The following MYO16 variants were observed in gnomAD, a reference collection of about 807,000 sequenced individuals.
MYO16 encodes the protein unconventional myosin-XVI.
A neutral mutation model predicts 205.3 loss-of-function variants in MYO16; 94 were observed. The ratio of observed to expected loss-of-function variants is 0.46; its 90% CI spans 0.39 to 0.54. The LOEUF (loss-of-function observed/expected upper bound fraction) is 0.54, where lower values mean the gene tolerates loss of function less well. Among genes scored for constraint, MYO16 ranks in the 20% least tolerant of loss-of-function variants. The pLI, the probability that MYO16 is intolerant of heterozygous loss-of-function variation, is 0.00. For synonymous variants in MYO16, 988 were observed against 954.0 expected (o/e 1.04, Z -0.66); for missense variants, 2,315 against 2,387.5 (o/e 0.97, Z 0.63).
At chr13:109,044,239 G>A (rs146120775) in intron 23 of MYO16, among the ~76,000 whole-genome samples, 10 of 152,244 alleles carry the variant, frequency 6.6e-5, no homozygotes, top group East Asian at 3.9e-4. Context: ...AAAATAGGCC[G>A]TTGCTTTAGA....
chr13:108,916,627 GAACT>G (rs1354771236), intron 16 of MYO16, among the ~76,000 whole-genome samples: 1 of 152,240 alleles, frequency 6.6e-6, no homozygotes, highest in East Asian at 1.9e-4. Context: ...AAAAATTTTA[GAACT>G]AACAGAGCTT....
chr13:108,575,105 A>T, the MYO16 span, among the ~76,000 whole-genome samples: 1 of 152,192 alleles, frequency 6.6e-6, no homozygotes. Context: ...TCAAGTGTTC[A>T]TGGGTTTATC....
chr13:108,538,528 C>G, the MYO16 span, among the ~76,000 whole-genome samples: 1 of 151,980 alleles, frequency 6.6e-6, no homozygotes, highest in African/African-American at 2.4e-5. Context: ...AAAGTGAAGA[C>G]AGCAAATACT....
At chr13:108,650,058 A>G (rs1360407120) in intron 1 of MYO16, among the ~76,000 whole-genome samples, 8 of 152,186 alleles carry the variant, frequency 5.3e-5, no homozygotes, top group African/African-American at 1.9e-4. Flanking sequence ...TGTGAACTTT[A>G]GTTTTGTCTC....
chr13:108,764,315 A>C (rs980798212), intron 4 of MYO16, among the ~76,000 whole-genome samples: 4 of 152,222 alleles, frequency 2.6e-5, no homozygotes, highest in African/African-American at 9.6e-5. Context: ...CATCAATGCG[A>C]CACATTGAGA....
At chr13:108,884,683 G>C (rs1197385364) in intron 13 of MYO16, among the ~76,000 whole-genome samples, 1 of 152,016 alleles carries the variant, frequency 6.6e-6, no homozygotes, top group African/African-American at 2.4e-5. Context: ...CCGAGGCAGG[G>C]GCTTCCACCC....
chr13:109,057,624 T>C (rs1047915188), intron 27 of MYO16, among the ~76,000 whole-genome samples: 1 of 152,134 alleles, frequency 6.6e-6, no homozygotes, highest in Non-Finnish European at 1.5e-5. Flanking sequence ...TCTTCAGAGA[T>C]GCCGAACCTG....
At chr13:109,206,406 G>A (rs1880599549) in intron 34 of MYO16, among the ~76,000 whole-genome samples, 1 of 152,118 alleles carries the variant, frequency 6.6e-6, no homozygotes, top group South Asian at 2.1e-4. Flanking sequence ...ATGTTTTGTT[G>A]CAGTCATTGC....
intron 4 of MYO16, among the ~76,000 whole-genome samples, chr13:108,738,735 G>A (rs1884793241): frequency 6.6e-6 from 1 of 151,876 alleles, no homozygotes; most frequent in Non-Finnish European, 1.5e-5. Context: ...TTGACAGTGG[G>A]GTATTAAAAT....
rs141148304 is a variant in MYO16, at chr13:109,171,528, G to C, written c.5323+6469G>C. Among the ~76,000 whole-genome samples, 3 of 152,276 alleles carry C rather than the reference G, an allele frequency of 2.0e-5. No individual in the cohort carries two copies. In the South Asian group the frequency reaches 6.2e-4, roughly 32 times the overall value. ...TTTGTTGAAATATAGTTATGTGTGC[G>C]TAATTATAGCTATCACTTACTTTAA... On this transcript the variant is annotated intron_variant, in intron 33 of 34. Transcript: ENST00000457511.
At chr13:108,584,517 T>C in the MYO16 span, among the ~76,000 whole-genome samples, 1 of 89,638 alleles carries the variant, frequency 1.1e-5, no homozygotes, top group East Asian at 5.3e-4. Context: ...AAATATACAA[T>C]TTTTTTATTA....
chr13:108,907,036 G>C (rs1490522886), intron 15 of MYO16, among the ~76,000 whole-genome samples: 2 of 152,126 alleles, frequency 1.3e-5, no homozygotes, highest in African/African-American at 4.8e-5. Context: ...CTAATTGAAG[G>C]CATGACAATA....
intron 4 of MYO16, among the ~76,000 whole-genome samples, chr13:108,761,842 T>C (rs111623384): frequency 0.04 from 6,095 of 152,314 alleles, 130 homozygotes; most frequent in Non-Finnish European, 0.057. Flanking sequence ...TAGACTCTTC[T>C]GGTAAGCTGT....
intron 4 of MYO16, among the ~76,000 whole-genome samples, chr13:108,735,220 G>A (rs925120978): frequency 8.6e-5 from 13 of 151,736 alleles, no homozygotes; most frequent in Admixed American, 1.3e-4. Context: ...CCATTAACTC[G>A]TCATTTACAT....
chr13:109,174,750 T>A, intron 33 of MYO16, among the ~76,000 whole-genome samples: 1 of 22,370 alleles, frequency 4.5e-5, no homozygotes, highest in African/African-American at 6.9e-5. Flanking sequence ...TGTCTTGTCT[T>A]TTTTTTTTTT....
intron 16 of MYO16, among the ~76,000 whole-genome samples, chr13:108,938,237 C>T (rs957701297): frequency 6.6e-6 from 1 of 152,038 alleles, no homozygotes; most frequent in Non-Finnish European, 1.5e-5. Context: ...TGCAGTTCAT[C>T]CTATAAGCCT....
the MYO16 span, among the ~76,000 whole-genome samples, chr13:108,585,860 G>A: frequency 6.6e-6 from 1 of 152,120 alleles, no homozygotes; most frequent in South Asian, 2.1e-4. Context: ...TTTATATGTA[G>A]ATAAAAATAT....
chr13:109,114,690 T>G (rs1875584856), intron 28 of MYO16, among the ~76,000 whole-genome samples: 1 of 152,246 alleles, frequency 6.6e-6, no homozygotes, highest in Non-Finnish European at 1.5e-5. Context: ...TATCCAATTT[T>G]CTATGTCTCC....
At chr13:109,126,447 A>G (rs2139773235) in intron 30 of MYO16, among the ~76,000 whole-genome samples, 1 of 152,346 alleles carries the variant, frequency 6.6e-6, no homozygotes, top group South Asian at 2.1e-4. Context: ...ATGCATTGGC[A>G]TCTTGCTAGC....
Sources: gnomAD v4.1 joint callset for allele counts (sites outside exome capture counted in the v4.1 genomes callset) on GRCh38, gnomAD v4.1.1 for gene constraint, MANE v1.5 for transcripts, NCBI Gene and HGNC (gene_info 2026-07-23, HGNC 2026-07-21) for gene names.